CROT: variants seen among roughly 807,000 people sequenced by gnomAD.
The protein encoded by CROT is carnitine O-octanoyltransferase.
A neutral mutation model predicts 89.2 loss-of-function variants in CROT; 84 were observed. That is an observed-to-expected ratio of 0.94 (90% CI 0.79 to 1.13). CROT has a LOEUF of 1.13. Ranked by LOEUF, CROT falls within the 50% of genes most tolerant of loss-of-function variation. CROT has a pLI of 0.00. For synonymous variants in CROT, 212 were observed against 239.5 expected, an observed-to-expected ratio of 0.89 and a Z score of 1.06; for missense variants, 711 against 727.8, an observed-to-expected ratio of 0.98 and a Z score of 0.27.
At chr7:87,376,052 C>A (rs1406397224) in intron 9 of CROT, 99 bp downstream of exon 9, 2 of 1,162,434 alleles carry the variant, frequency 1.7e-6, no homozygotes, top group Admixed American at 2.8e-5. Flanking sequence ...TACCTTTAGG[C>A]TCTTGAAACT....
intron 14 of CROT, among the ~76,000 whole-genome samples, chr7:87,392,208 G>A (rs117788595): frequency 0.062 from 9,393 of 152,156 alleles, 336 homozygotes; most frequent in South Asian, 0.16. Context: ...TTTGCTAGAT[G>A]TGGTTATATA....
chr7:87,355,549 A>G (rs898556118), intron 3 of CROT, among the ~76,000 whole-genome samples: 1 of 152,206 alleles, frequency 6.6e-6, no homozygotes, highest in Admixed American at 6.5e-5. Context: ...CACTTCCCTC[A>G]ATTGAGAGAT....
At chr7:87,369,826 A>T (rs1215570945) in intron 7 of CROT, 1 of 148,566 alleles carries the variant, frequency 6.7e-6, no homozygotes, top group African/African-American at 2.5e-5. Flanking sequence ...AAATATATAT[A>T]ATATATAATA....
At chr7:87,369,941 A>T (rs1806578165) in intron 7 of CROT, among the ~76,000 whole-genome samples, 1 of 145,550 alleles carries the variant, frequency 6.9e-6, no homozygotes, top group South Asian at 2.1e-4. Context: ...ATATAATGAT[A>T]ACTCCCGTGT....
At chr7:87,371,993 C>CAA (rs76864305) in intron 7 of CROT, among the ~76,000 whole-genome samples, 48 of 59,700 alleles carry the variant, frequency 8.0e-4, no homozygotes, top group African/African-American at 3.2e-3. Flanking sequence ...GACGCTGTCT[C>CAA]AAAAAAAAAA....
rs1411742721 is a variant in CROT at position 87,349,047 on chromosome 7, G to C, written c.-21-1G>C. The C allele has an allele frequency of 1.5e-6, 2 of 1,342,908 alleles. No individual in the cohort carries two copies. The highest frequency in any genetic ancestry group is 2.1e-6 in the Non-Finnish European group (2 of 949,270). The allele number at this position is 1,342,908 out of a possible 1,614,324, so 83.2% of individuals were successfully genotyped here. On this transcript the variant is annotated splice_acceptor_variant, in intron 2 of 17. Transcript: ENST00000331536. LOFTEE classifies it low-confidence loss of function (5UTR_SPLICE). ...GTGAGGGCTCTCTCTCTTTTCTTTA[G>C]GTTTCCTATTGTGATTTTATCATGG... is the stretch of plus-strand genomic sequence containing the variant.
At chr7:87,393,857 A>G (rs1037889012) in intron 17 of CROT, among the ~76,000 whole-genome samples, 10 of 152,326 alleles carry the variant, frequency 6.6e-5, no homozygotes, top group Admixed American at 5.2e-4. Context: ...GCACACTTAC[A>G]TGCAGATTTT....
intron 10 of CROT, among the ~76,000 whole-genome samples, chr7:87,378,055 G>A (rs912287175): frequency 1.3e-5 from 2 of 151,934 alleles, no homozygotes; most frequent in Non-Finnish European, 2.9e-5. Context: ...TTTATAAAGG[G>A]GTTTGGGGCT....
intron 3 of CROT, chr7:87,357,684 C>T: frequency 1.6e-6 from 1 of 636,812 alleles, no homozygotes; most frequent in Non-Finnish European, 2.8e-6. Flanking sequence ...AGGAAGGCAC[C>T]ATCCTTATTT....
At chr7:87,353,102 C>G (rs923419374) in intron 3 of CROT, among the ~76,000 whole-genome samples, 1 of 151,944 alleles carries the variant, frequency 6.6e-6, no homozygotes, top group African/African-American at 2.4e-5. Flanking sequence ...TGATAAGGAC[C>G]CTTTTAAGGA....
chr7:87,350,362 T>C (rs1433555387), intron 3 of CROT, among the ~76,000 whole-genome samples: 1 of 152,188 alleles, frequency 6.6e-6, no homozygotes, highest in African/African-American at 2.4e-5. Flanking sequence ...GGGAAGTTTC[T>C]CCTGTCAGAA....
rs140845315 is a variant in CROT, at chr7:87,397,478, T to C, written c.1719-1046T>C. ...TTCTTTCATGAATTGTCTGTACATGTAGGAAAGGCTGTTCTTTAGAAAGAT... is the reference window on the plus strand; with the variant it reads ...TTCTTTCATGAATTGTCTGTACATGCAGGAAAGGCTGTTCTTTAGAAAGAT... On this transcript the variant is annotated intron_variant, in intron 17 of 17. Transcript: ENST00000331536. 2.6e-5 allele frequency among the ~76,000 whole-genome samples: 4 copies of C among 152,334 alleles called. No homozygotes were observed. In the East Asian group the frequency reaches 5.8e-4, roughly 22 times the overall value.
In CROT at chr7:87,393,506, C is replaced by G. The variant is rs576975211; in HGVS notation, c.1718+439C>G. On this transcript the variant is annotated intron_variant, in intron 17 of 17. Coordinates refer to ENST00000331536, the MANE Select transcript of CROT (RefSeq NM_021151.4). ...GTTTTACCAATTCAGATGCAGTTCACTTGGGCTGTGTGGAGTTTGACTTAT... is the reference window on the plus strand; with the variant it reads ...GTTTTACCAATTCAGATGCAGTTCAGTTGGGCTGTGTGGAGTTTGACTTAT... Among the ~76,000 whole-genome samples, 3 of 152,238 alleles carry G rather than the reference C, an allele frequency of 2.0e-5. No individual in the cohort carries two copies. The South Asian group carries it at 6.2e-4, about 32-fold the overall frequency.
intron 10 of CROT, 37 bp downstream of exon 10, chr7:87,377,487 T>G (rs2115956139): frequency 8.6e-7 from 1 of 1,158,076 alleles, no homozygotes; most frequent in Non-Finnish European, 1.3e-6. Flanking sequence ...TTTTGATCTT[T>G]TAGGTTAAAT....
At chr7:87,356,441 A>G (rs1455913616) in intron 3 of CROT, among the ~76,000 whole-genome samples, 12 of 152,350 alleles carry the variant, frequency 7.9e-5, no homozygotes, top group East Asian at 5.8e-4. Context: ...GAACTGTACA[A>G]GAAAAACAAA....
At chr7:87,390,472 C>G (rs1312997128) in intron 13 of CROT, among the ~76,000 whole-genome samples, 3 of 152,044 alleles carry the variant, frequency 2.0e-5, no homozygotes, top group Non-Finnish European at 2.9e-5. Flanking sequence ...AAATATTATT[C>G]ACACTTTCTC....
At chr7:87,359,808 A>G (rs568303379) in intron 4 of CROT, 1 of 983,044 alleles carries the variant, frequency 1.0e-6, no homozygotes, top group African/African-American at 1.7e-5. Context: ...TAAATTGAGG[A>G]AGCTAGTATA....
At chr7:87,365,554 T>G (rs1234689642) in intron 6 of CROT, among the ~76,000 whole-genome samples, 1 of 151,396 alleles carries the variant, frequency 6.6e-6, no homozygotes, top group Admixed American at 6.6e-5. Flanking sequence ...ATGGGCAGAA[T>G]TTAAGCCACT....
intron 4 of CROT, chr7:87,359,674 C>T (rs1806212198): frequency 1.4e-5 from 15 of 1,059,158 alleles, no homozygotes; most frequent in Non-Finnish European, 1.7e-5. Flanking sequence ...CTTGAAAAAT[C>T]AGAAACACTA....
Sources: gnomAD v4.1 joint callset for allele counts (sites outside exome capture counted in the v4.1 genomes callset) on GRCh38, gnomAD v4.1.1 for gene constraint, MANE v1.5 for transcripts, NCBI Gene and HGNC (gene_info 2026-07-23, HGNC 2026-07-21) for gene names.